The following TRIP12 variants were observed in gnomAD, a reference collection of about 807,000 sequenced individuals.
TRIP12 encodes the protein thyroid hormone receptor interactor 12.
A neutral mutation model predicts 244.2 loss-of-function variants in TRIP12; 25 were observed. That is an observed-to-expected ratio of 0.10 (90% CI 0.07 to 0.14). The LOEUF is 0.14. Ranked by LOEUF, TRIP12 falls within the 10% of genes least tolerant of loss-of-function variation. The pLI is 1.00. For missense variants in TRIP12, 1,677 were observed against 2,486.4 expected (o/e 0.67, Z 6.92); for synonymous variants, 905 against 873.1 (o/e 1.04, Z -0.64).
chr2:229,802,485 A>G lies in TRIP12; in HGVS notation c.2999-26T>C, dbSNP rs368292758. 6.6e-5 allele frequency: 104 copies of G among 1,578,690 alleles called. No individual in the cohort carries two copies. In the African/African-American group the frequency reaches 1.2e-3, roughly 18 times the overall value. ...CTTTATAATAACAGAGATGAAAGGG[A>G]GTCAGTTTTAATCAGGAGTAGAACC... On this transcript the variant is annotated intron_variant, in intron 20 of 41. Coordinates refer to ENST00000675903, the MANE Select transcript of TRIP12 (RefSeq NM_001348323.3).
At chr2:229,908,775 C>T (rs1021503269) in intron 1 of TRIP12, among the ~76,000 whole-genome samples, 1 of 149,562 alleles carries the variant, frequency 6.7e-6, no homozygotes, top group Admixed American at 6.7e-5. Flanking sequence ...TGGTGGCTTA[C>T]GCGCCTATAA....
chr2:229,779,031 A>C (rs780077131), intron 34 of TRIP12, 41 bp from the exon 35 acceptor site: 4 of 1,565,724 alleles, frequency 2.6e-6, no homozygotes, highest in Non-Finnish European at 3.5e-6. Flanking sequence ...AATTTTAAGA[A>C]TTGTGTTTTT....
chr2:229,864,041 AGAGAGAGT>A (rs1459088673), intron 2 of TRIP12, among the ~76,000 whole-genome samples: 909 of 71,644 alleles, frequency 0.013, 9 homozygotes, highest in African/African-American at 0.034. Context: ...AGAGAGAGAG[AGAGAGAGT>A]GTGTGTGTGT....
intron 8 of TRIP12, among the ~76,000 whole-genome samples, chr2:229,828,335 G>C (rs1445858814): frequency 6.8e-6 from 1 of 146,540 alleles, no homozygotes; most frequent in Admixed American, 6.8e-5. Flanking sequence ...CCCTGCAACA[G>C]TGATTTGTTT....
chr2:229,803,607 A>G lies in TRIP12; in HGVS notation c.2962T>C (p.Leu988=). ...AAGTAAACACTAAAAATATCAGGTA[A>G]CTTCTGCATTAAAATTTCTGCCATC... ...LQMAEILMQK[L]PDIFSVYFRR... The change falls in exon 20 of 42, where the codon TTA becomes CTA. Residue 988 remains leucine, a synonymous_variant. Transcript: ENST00000675903. 2 of 1,613,122 alleles carry G rather than the reference A, an allele frequency of 1.2e-6. No homozygotes were observed. Among genetic ancestry groups the G allele is most frequent in the Admixed American group, 1.7e-5 (1 of 59,824 alleles).
At chr2:229,896,061 G>A (rs894064356) in intron 1 of TRIP12, among the ~76,000 whole-genome samples, 1 of 151,966 alleles carries the variant, frequency 6.6e-6, no homozygotes, top group Non-Finnish European at 1.5e-5. Context: ...TGAAGTTTTG[G>A]TCAGATTAAA....
At chr2:229,854,334 A>G (rs555740133) in intron 4 of TRIP12, among the ~76,000 whole-genome samples, 22 of 152,370 alleles carry the variant, frequency 1.4e-4, no homozygotes, top group Middle Eastern at 6.8e-3. Context: ...CAAATCTAAT[A>G]GCTACCTTAA....
intron 4 of TRIP12, among the ~76,000 whole-genome samples, chr2:229,842,675 AAT>A (rs2056721085): frequency 6.8e-6 from 1 of 147,956 alleles, no homozygotes; most frequent in South Asian, 2.2e-4. Flanking sequence ...TGAATACTAA[AAT>A]ATCTTTATAC....
At chr2:229,812,488 A>G (rs1198609967) in intron 13 of TRIP12, among the ~76,000 whole-genome samples, 1 of 152,220 alleles carries the variant, frequency 6.6e-6, no homozygotes, top group Non-Finnish European at 1.5e-5. Flanking sequence ...TGATTCAATG[A>G]TCACTACTAT....
chr2:229,864,047 A>AGAGAGT, intron 2 of TRIP12, among the ~76,000 whole-genome samples: 92 of 79,296 alleles, frequency 1.2e-3, no homozygotes, highest in South Asian at 2.1e-3. Context: ...AGAGAGAGAG[A>AGAGAGT]GTGTGTGTGT....
At chr2:229,849,922 G>A (rs1237441809) in intron 4 of TRIP12, among the ~76,000 whole-genome samples, 2 of 123,070 alleles carry the variant, frequency 1.6e-5, no homozygotes, top group Admixed American at 8.9e-5. Context: ...AAAATTTTTG[G>A]CATAATACAC....
At chr2:229,907,713 G>C (rs1020765334) in intron 1 of TRIP12, among the ~76,000 whole-genome samples, 1 of 152,040 alleles carries the variant, frequency 6.6e-6, no homozygotes, top group East Asian at 1.9e-4. Flanking sequence ...TAAGGCGAGA[G>C]GACCACTTGA....
Position 229,768,609 on chromosome 2 carries a change from T to C in TRIP12, c.6007+7A>G. The C allele has an allele frequency of 6.2e-7, 1 of 1,612,154 alleles. No homozygotes were observed. Among genetic ancestry groups the C allele is most frequent in the Non-Finnish European group, 8.5e-7 (1 of 1,179,504 alleles). Reference sequence around the variant, plus strand: ...GAATAAATGCTAAACATCAACATCGTACCCACCTCCAACAGGCAATCTTGG... The same window carrying C: ...GAATAAATGCTAAACATCAACATCGCACCCACCTCCAACAGGCAATCTTGG... On this transcript the variant is annotated splice_region_variant and intron_variant, in intron 41 of 41. Transcript: ENST00000675903.
At chr2:229,849,700 A>G (rs1041665623) in intron 4 of TRIP12, among the ~76,000 whole-genome samples, 6 of 149,178 alleles carry the variant, frequency 4.0e-5, no homozygotes, top group African/African-American at 1.5e-4. Context: ...TCATCTCTAC[A>G]AAAAAAAAAT....
At chr2:229,831,886 G>GT (rs1311354956) in intron 6 of TRIP12, among the ~76,000 whole-genome samples, 3 of 91,656 alleles carry the variant, frequency 3.3e-5, no homozygotes, top group East Asian at 2.9e-4. Context: ...TTGTTTTTTG[G>GT]GTTTTTTTTT....
At chr2:229,828,265 T>A (rs998293754) in intron 8 of TRIP12, among the ~76,000 whole-genome samples, 1 of 152,102 alleles carries the variant, frequency 6.6e-6, no homozygotes, top group Admixed American at 6.6e-5. Context: ...TAAGTTCATG[T>A]GTAAAGGTTG....
chr2:229,785,023 C>G (rs540336000), intron 34 of TRIP12, among the ~76,000 whole-genome samples: 263 of 152,258 alleles, frequency 1.7e-3, no homozygotes, highest in African/African-American at 5.9e-3. Context: ...GGAAACAACC[C>G]AAATGTGAAT....
intron 1 of TRIP12, among the ~76,000 whole-genome samples, chr2:229,912,137 G>C (rs2074403645): frequency 6.6e-6 from 1 of 152,174 alleles, no homozygotes; most frequent in Admixed American, 6.5e-5. Flanking sequence ...CAGAGGACTG[G>C]TGTGGGTCAT....
intron 1 of TRIP12, among the ~76,000 whole-genome samples, chr2:229,902,995 T>G (rs973071893): frequency 2.5e-4 from 15 of 59,014 alleles, no homozygotes; most frequent in East Asian, 1.8e-3. Context: ...TGTGTGCGGG[T>G]TTTTTTTTCT....
Sources: gnomAD v4.1 joint callset for allele counts (sites outside exome capture counted in the v4.1 genomes callset) on GRCh38, gnomAD v4.1.1 for gene constraint, MANE v1.5 for transcripts, NCBI Gene and HGNC (gene_info 2026-07-23, HGNC 2026-07-21) for gene names.